Variants in ATP11A observed in about 807,000 individuals in gnomAD.
ATP11A encodes the protein ATPase phospholipid transporting 11A, also known as phospholipid-transporting ATPase IH.
ATP11A carries 81 observed loss-of-function variants against 154.4 expected under a neutral mutation model. The observed-to-expected ratio is 0.52, with a 90% CI of 0.44 to 0.63. The LOEUF (loss-of-function observed/expected upper bound fraction) is 0.63, where lower values mean the gene tolerates loss of function less well. Ranked by LOEUF, ATP11A falls within the 30% of genes least tolerant of loss-of-function variation. The pLI, the probability that ATP11A is intolerant of heterozygous loss-of-function variation, is 0.00. For missense variants in ATP11A, 1,316 were observed against 1,474.3 expected, an observed-to-expected ratio of 0.89 and a Z score of 1.76; for synonymous variants, 623 against 585.9, an observed-to-expected ratio of 1.06 and a Z score of -0.91.
chr13:112,821,825 A>G (rs554531055), intron 8 of ATP11A, among the ~76,000 whole-genome samples: 5 of 152,294 alleles, frequency 3.3e-5, no homozygotes, highest in Admixed American at 3.3e-4. Context: ...CTTTTTAAAA[A>G]CGCTGTTTGT....
intron 1 of ATP11A, among the ~76,000 whole-genome samples, chr13:112,773,168 C>T (rs561572975): frequency 6.6e-6 from 1 of 152,058 alleles, no homozygotes; most frequent in Admixed American, 6.5e-5. Context: ...GGCTGTTTCT[C>T]ATCGCCTCTG....
chr13:112,741,216 G>A (rs567382304), intron 1 of ATP11A, among the ~76,000 whole-genome samples: 1 of 152,246 alleles, frequency 6.6e-6, no homozygotes, highest in South Asian at 2.1e-4. Flanking sequence ...GAGGGACATG[G>A]AGCTGTAGTC....
rs12428463 is a variant in ATP11A, at chr13:112,883,373, G to A, written c.*1507G>A. On this transcript the variant is annotated 3_prime_UTR_variant, in exon 30 of 30. Transcript: ENST00000375645. ...TCAGTGTGAGATTCAGACTTCAGAC[G>A]CTGAAACTGCTGCCTTTCAGGAAAG... The A allele has an allele frequency of 1.0e-3, 413 of 394,906 alleles. No individual in the cohort carries two copies. Among genetic ancestry groups the A allele is most frequent in the Admixed American group, 8.1e-3 (183 of 22,614 alleles). The allele number at this position is 394,906 out of a possible 1,614,324, so 24.5% of individuals were successfully genotyped here. A position where few individuals can be genotyped will look rare whatever the true frequency, so the allele number is the denominator to read the frequency against.
rs1461331722 is a variant in ATP11A, at chr13:112,832,849, C to T, written c.1396-11C>T. The T allele has an allele frequency of 6.2e-7, 1 of 1,610,366 alleles. No individual in the cohort carries two copies. Among genetic ancestry groups the T allele is most frequent in the African/African-American group, 1.3e-5 (1 of 74,830 alleles). On this transcript the variant is annotated splice_polypyrimidine_tract_variant and intron_variant, in intron 13 of 29. Coordinates refer to ENST00000375645, the MANE Select transcript of ATP11A (RefSeq NM_015205.3). ...CGTGATTTGGGGGTTCTGGGAACTGCTTTTTTATAGGAGCGCGAGGAGCTG... is the reference window on the plus strand; with the variant it reads ...CGTGATTTGGGGGTTCTGGGAACTGTTTTTTTATAGGAGCGCGAGGAGCTG...
At chr13:112,704,641 TG>T (rs1403263551) in intron 1 of ATP11A, among the ~76,000 whole-genome samples, 4 of 152,252 alleles carry the variant, frequency 2.6e-5, no homozygotes, top group Non-Finnish European at 5.9e-5. Context: ...TGAGATGGGC[TG>T]GGGGTGTCCC....
chr13:112,752,735 AG>A (rs1295021645), intron 1 of ATP11A, among the ~76,000 whole-genome samples: 2 of 152,238 alleles, frequency 1.3e-5, no homozygotes, highest in Non-Finnish European at 1.5e-5. Flanking sequence ...GAATAGCAGT[AG>A]GATGCCAAGA....
chr13:112,877,407 C>A (rs2080762151), intron 28 of ATP11A, among the ~76,000 whole-genome samples: 1 of 152,234 alleles, frequency 6.6e-6, no homozygotes, highest in South Asian at 2.1e-4. Flanking sequence ...CCACAGCGGG[C>A]ACACGTGTTC....
chr13:112,837,456 C>T (rs191390372), intron 16 of ATP11A, among the ~76,000 whole-genome samples: 1 of 152,242 alleles, frequency 6.6e-6, no homozygotes. Flanking sequence ...GCATCCCGAA[C>T]GCAGAACCGA....
Position 112,884,898 on chromosome 13 carries a change from A to G in ATP11A, c.*3032A>G, listed in dbSNP as rs1017941339. On this transcript the variant is annotated 3_prime_UTR_variant, in exon 30 of 30. Coordinates refer to ENST00000375645, the MANE Select transcript of ATP11A (RefSeq NM_015205.3). The stretch of plus-strand genomic sequence containing the variant: ...GCCACAGACCGTCTCAGACACGCAC[A>G]GTGGGCCTGCTGCATGCGTGTTACC... 6.6e-6 allele frequency: 1 copy of G among 152,218 alleles called. No homozygotes were observed. The highest frequency in any genetic ancestry group is 1.5e-5 in the Non-Finnish European group (1 of 68,102). 9.4% of individuals were successfully genotyped at this position (152,218 alleles called of 1,614,324 possible). A position where few individuals can be genotyped will look rare whatever the true frequency, so the allele number is the denominator to read the frequency against.
Position 112,746,342 on chromosome 13 carries a change from C to G in ATP11A, c.40-38793C>G, listed in dbSNP as rs557973879. 6.6e-6 allele frequency: 1 copy of G among 151,956 alleles called. No individual in the cohort carries two copies. Among genetic ancestry groups the G allele is most frequent in the South Asian group, 2.1e-4 (1 of 4,794 alleles). 9.4% of individuals were successfully genotyped at this position (151,956 alleles called of 1,614,324 possible). ...GGTTCCCCACGTCCTCACCGGGTAA[C>G]TGGGGTTCCGGCTCCCCACGTCCTC... is the stretch of plus-strand genomic sequence containing the variant. On this transcript the variant is annotated intron_variant, in intron 1 of 29. Coordinates refer to ENST00000375645, the MANE Select transcript of ATP11A (RefSeq NM_015205.3). This position sits in a 1 kb window ranked among gnomAD's most constrained non-coding sequence, Gnocchi z 4.1.
chr13:112,819,461 CT>C, intron 7 of ATP11A, 54 bp downstream of exon 7: 1 of 1,520,930 alleles, frequency 6.6e-7, no homozygotes, highest in Non-Finnish European at 9.1e-7. Context: ...CTCAACATTG[CT>C]CTTGCTTTTT....
chr13:112,845,837 A>ACTAACCAATCCAGTTACCAGGCACTAGCG, intron 17 of ATP11A, among the ~76,000 whole-genome samples: 1 of 122,662 alleles, frequency 8.2e-6, no homozygotes, highest in African/African-American at 3.3e-5. Flanking sequence ...CGGCACTAGC[A>ACTAACCAATCCAGTTACCAGGCACTAGCG]GTACTAACCA....
chr13:112,810,758 A>C, intron 5 of ATP11A, 32 bp downstream of exon 5: 1 of 1,585,918 alleles, frequency 6.3e-7, no homozygotes, highest in Non-Finnish European at 8.7e-7. Flanking sequence ...TACGCTGGTG[A>C]AGTCCAGTAA....
intron 1 of ATP11A, among the ~76,000 whole-genome samples, chr13:112,728,465 C>A (rs1429332870): frequency 7.2e-6 from 1 of 139,058 alleles, no homozygotes; most frequent in African/African-American, 2.8e-5. Flanking sequence ...GCCGTGAGAC[C>A]GTGCAGCCCG....
chr13:112,789,497 G>A lies in ATP11A; in HGVS notation c.162+4240G>A, dbSNP rs1318840223. Among the ~76,000 whole-genome samples the A allele has an allele frequency of 4.0e-5, 6 of 148,244 alleles. No homozygotes were observed. The East Asian group carries it at 1.2e-3, about 30-fold the overall frequency. On this transcript the variant is annotated intron_variant, in intron 2 of 29. Coordinates refer to ENST00000375645, the MANE Select transcript of ATP11A (RefSeq NM_015205.3). ...ACTTAATTCACACCAGTGTCCTGATGTGTAGACCCTTGCGGAGACCTACTT... is the reference window on the plus strand; with the variant it reads ...ACTTAATTCACACCAGTGTCCTGATATGTAGACCCTTGCGGAGACCTACTT...
At chr13:112,714,646 G>A (rs767769860) in intron 1 of ATP11A, among the ~76,000 whole-genome samples, 16 of 152,232 alleles carry the variant, frequency 1.1e-4, no homozygotes, top group Non-Finnish European at 1.8e-4. Context: ...TTATGGAGAC[G>A]CAAGAGAATG....
intron 17 of ATP11A, among the ~76,000 whole-genome samples, chr13:112,848,258 G>A (rs368641682): frequency 2.6e-5 from 4 of 152,096 alleles, no homozygotes; most frequent in African/African-American, 9.7e-5. Context: ...GCAAACTTTG[G>A]TATTTTTCAG....
intron 1 of ATP11A, among the ~76,000 whole-genome samples, chr13:112,723,677 G>A (rs1889481676): frequency 6.6e-6 from 1 of 152,016 alleles, no homozygotes; most frequent in African/African-American, 2.4e-5. Context: ...TGTAACCTCT[G>A]TCATGGCTGG....
At chr13:112,787,532 T>C (rs71446647) in intron 2 of ATP11A, among the ~76,000 whole-genome samples, 8 of 73,086 alleles carry the variant, frequency 1.1e-4, no homozygotes, top group Admixed American at 3.9e-4. Flanking sequence ...CCTACTTAAT[T>C]CACACCGGGT....
Sources: allele counts gnomAD v4.1 joint callset (sites outside exome capture counted in the v4.1 genomes callset), GRCh38; gene constraint gnomAD v4.1.1; non-coding constraint Gnocchi (gnomAD v3.1); transcripts MANE v1.5; gene names NCBI Gene and HGNC (gene_info 2026-07-23, HGNC 2026-07-21).